The following RNF11 variants were observed in gnomAD, a reference collection of about 807,000 sequenced individuals.
RNF11 encodes ring finger protein 11.
RNF11 carries 4 observed loss-of-function variants against 15.8 expected under a neutral mutation model. The ratio of observed to expected loss-of-function variants is 0.25; its 90% CI spans 0.12 to 0.58. RNF11 has a LOEUF of 0.58. Ranked by LOEUF, RNF11 falls within the 20% of genes least tolerant of loss-of-function variation. The pLI, the probability that RNF11 is intolerant of heterozygous loss-of-function variation, is 0.91. For missense variants in RNF11, 139 were observed against 194.4 expected (o/e 0.71, Z 1.70); for synonymous variants, 68 against 72.3 (o/e 0.94, Z 0.30).
chr1:51,246,807 T>A (rs1320773390), intron 1 of RNF11, among the ~76,000 whole-genome samples: 1 of 152,106 alleles, frequency 6.6e-6, no homozygotes, highest in Non-Finnish European at 1.5e-5. Context: ...TAACTTTATG[T>A]AATACCACTG....
chr1:51,246,800 CTT>C (rs908313029), intron 1 of RNF11, among the ~76,000 whole-genome samples: 8 of 152,012 alleles, frequency 5.3e-5, no homozygotes, highest in African/African-American at 1.9e-4. Flanking sequence ...GGCTACATAA[CTT>C]TATGTAATAC....
chr1:51,263,851 A>G (rs1646941389), intron 1 of RNF11, among the ~76,000 whole-genome samples: 1 of 152,162 alleles, frequency 6.6e-6, no homozygotes, highest in African/African-American at 2.4e-5. Flanking sequence ...GAAACCATTG[A>G]AGTGTGTATT....
chr1:51,241,669 A>G (rs1230135258), intron 1 of RNF11, among the ~76,000 whole-genome samples: 5 of 152,168 alleles, frequency 3.3e-5, no homozygotes, highest in Admixed American at 6.5e-5. Flanking sequence ...TCAAATTAGA[A>G]AGTAGAAACA....
chr1:51,259,526 G>C (rs2148071718), intron 1 of RNF11, among the ~76,000 whole-genome samples: 1 of 152,312 alleles, frequency 6.6e-6, no homozygotes, highest in South Asian at 2.1e-4. Context: ...CATCCATCCT[G>C]ATTTTCCTGC....
In RNF11 at chr1:51,242,823, G is replaced by C. The variant is rs142856889; in HGVS notation, c.123+5944G>C. 7.1e-3 allele frequency among the ~76,000 whole-genome samples: 1,078 copies of C among 152,212 alleles called. 7 individuals carry two copies. The highest frequency in any genetic ancestry group is 0.024 in the Middle Eastern group (7 of 294). On this transcript the variant is annotated intron_variant, in intron 1 of 2. Coordinates refer to ENST00000242719, the MANE Select transcript of RNF11 (RefSeq NM_014372.5). The stretch of plus-strand genomic sequence containing the variant: ...ACGAAGTTAAATTTAGATAATTAAA[G>C]GGTTGTGTTTTTTTATTAGCATTTT...
intron 1 of RNF11, among the ~76,000 whole-genome samples, chr1:51,243,336 A>G (rs570712097): frequency 1.6e-4 from 25 of 152,186 alleles, no homozygotes; most frequent in Non-Finnish European, 3.4e-4. Flanking sequence ...TCTTACAGCA[A>G]CATAATTGAT....
At chr1:51,253,939 G>A (rs1010485785) in intron 1 of RNF11, among the ~76,000 whole-genome samples, 1 of 151,520 alleles carries the variant, frequency 6.6e-6, no homozygotes, top group African/African-American at 2.4e-5. Context: ...TTGGAGACTA[G>A]CCTGGACAAC....
At chr1:51,259,495 A>G (rs1646920802) in intron 1 of RNF11, among the ~76,000 whole-genome samples, 1 of 152,238 alleles carries the variant, frequency 6.6e-6, no homozygotes, top group Non-Finnish European at 1.5e-5. Flanking sequence ...TTTTTAAAAA[A>G]TGTTGTATAA....
intron 1 of RNF11, among the ~76,000 whole-genome samples, chr1:51,250,036 A>G (rs894047349): frequency 3.3e-5 from 5 of 152,202 alleles, no homozygotes; most frequent in African/African-American, 1.2e-4. Flanking sequence ...TAAGTTGCCA[A>G]ATAGTTTTCC....
intron 1 of RNF11, among the ~76,000 whole-genome samples, chr1:51,237,385 A>G (rs1242984995): frequency 6.8e-6 from 1 of 147,832 alleles, no homozygotes; most frequent in Non-Finnish European, 1.5e-5. Flanking sequence ...CCAAGTGGTG[A>G]TTTTAACCCT....
At chr1:51,254,758 C>T (rs983121066) in intron 1 of RNF11, among the ~76,000 whole-genome samples, 2 of 152,128 alleles carry the variant, frequency 1.3e-5, no homozygotes, top group Non-Finnish European at 2.9e-5. Context: ...CCACTGCACC[C>T]GGCCATTTTT....
At chr1:51,269,122 A>G (rs1646968071) in intron 1 of RNF11, among the ~76,000 whole-genome samples, 1 of 152,184 alleles carries the variant, frequency 6.6e-6, no homozygotes, top group African/African-American at 2.4e-5. Context: ...TGAAAATCTC[A>G]TCTTCTGAGA....
chr1:51,238,772 G>A (rs573494195), intron 1 of RNF11, among the ~76,000 whole-genome samples: 15 of 151,808 alleles, frequency 9.9e-5, no homozygotes, highest in East Asian at 1.9e-4. Flanking sequence ...CTGTCACCCC[G>A]GCTGGAGTGC....
intron 1 of RNF11, among the ~76,000 whole-genome samples, chr1:51,244,379 GTTT>G (rs1043027281): frequency 6.9e-6 from 1 of 145,944 alleles, no homozygotes; most frequent in African/African-American, 2.5e-5. Flanking sequence ...TTTTGAATTT[GTTT>G]TTTTTTTTGT....
rs1164706938 is a variant in RNF11, at chr1:51,272,924, A to T, written c.*1602A>T. 2.0e-5 allele frequency: 3 copies of T among 152,186 alleles called. No homozygotes were observed. Among genetic ancestry groups the T allele is most frequent in the Non-Finnish European group, 4.4e-5 (3 of 67,996 alleles). The allele number at this position is 152,186 out of a possible 1,614,324, so 9.4% of individuals were successfully genotyped here. ...TTGTAAAGATTTGACATTCAACTGT[A>T]GTATCCATATGTTGCTTAAATTTCC... On this transcript the variant is annotated 3_prime_UTR_variant, in exon 3 of 3. Transcript: ENST00000242719.
At chr1:51,246,820 C>A (rs941504964) in intron 1 of RNF11, among the ~76,000 whole-genome samples, 3 of 151,748 alleles carry the variant, frequency 2.0e-5, no homozygotes, top group Non-Finnish European at 4.4e-5. Flanking sequence ...TACCACTGAA[C>A]TATACACTGA....
At chr1:51,264,295 T>TATATAA (rs1553169451) in intron 1 of RNF11, among the ~76,000 whole-genome samples, 2 of 82,854 alleles carry the variant, frequency 2.4e-5, no homozygotes, top group Non-Finnish European at 4.3e-5. Context: ...AAAATATATA[T>TATATAA]ATATATATAT....
chr1:51,255,635 C>G (rs1646901114), intron 1 of RNF11, among the ~76,000 whole-genome samples: 1 of 152,048 alleles, frequency 6.6e-6, no homozygotes, highest in Admixed American at 6.5e-5. Context: ...CTATTTTTTT[C>G]TTTGGGGAGC....
intron 1 of RNF11, 59 bp from the exon 2 acceptor site, chr1:51,269,897 A>G (rs1646970496): frequency 6.8e-7 from 1 of 1,473,406 alleles, no homozygotes. Flanking sequence ...TGACCAAAAA[A>G]TAAGCCCTCG....
Sources: allele counts gnomAD v4.1 joint callset (sites outside exome capture counted in the v4.1 genomes callset), GRCh38; gene constraint gnomAD v4.1.1; transcripts MANE v1.5; gene names NCBI Gene and HGNC (gene_info 2026-07-23, HGNC 2026-07-21).